NCOA1: variants seen among roughly 807,000 people sequenced by gnomAD.
NCOA1 encodes the protein nuclear receptor coactivator 1, also known as Hin-2 protein.
Under a neutral mutation model 150.9 loss-of-function variants are expected in NCOA1, and 35 were observed. The observed-to-expected ratio is 0.23, with a 90% CI of 0.18 to 0.31. NCOA1 has a LOEUF of 0.31. Among genes scored for constraint, NCOA1 ranks in the 10% least tolerant of loss-of-function variants. The pLI is 1.00. For missense variants in NCOA1, 1,491 were observed against 1,749.3 expected (o/e 0.85, Z 2.63); for synonymous variants, 590 against 630.0 (o/e 0.94, Z 0.95).
chr2:24,534,674 A>C (rs1665049472), intron 1 of NCOA1, among the ~76,000 whole-genome samples: 2 of 152,158 alleles, frequency 1.3e-5, no homozygotes, highest in African/African-American at 4.8e-5. Flanking sequence ...GTTTTGAAGA[A>C]CATCTTTATT....
intron 3 of NCOA1, among the ~76,000 whole-genome samples, chr2:24,610,482 A>G (rs1357202795): frequency 6.6e-6 from 1 of 151,914 alleles, no homozygotes; most frequent in Non-Finnish European, 1.5e-5. Flanking sequence ...TCTGTGTAAC[A>G]GTTCACTGAC....
intron 3 of NCOA1, among the ~76,000 whole-genome samples, chr2:24,642,337 T>TA (rs1670272163): frequency 6.7e-6 from 1 of 148,232 alleles, no homozygotes; most frequent in African/African-American, 2.5e-5. Flanking sequence ...ATATATATAT[T>TA]TTTTAAAATC....
chr2:24,536,610 G>T (rs1293882739), intron 1 of NCOA1, among the ~76,000 whole-genome samples: 1 of 151,962 alleles, frequency 6.6e-6, no homozygotes, highest in Non-Finnish European at 1.5e-5. Flanking sequence ...GGTCTTTAAT[G>T]TTGATGACTT....
chr2:24,538,470 T>C (rs1665257909), intron 1 of NCOA1, among the ~76,000 whole-genome samples: 1 of 152,204 alleles, frequency 6.6e-6, no homozygotes, highest in Admixed American at 6.5e-5. Context: ...TGCAAATCCA[T>C]ATTCTGCCAG....
At chr2:24,759,973 ATTAAT>A (rs1664700202) in intron 21 of NCOA1, among the ~76,000 whole-genome samples, 1 of 151,752 alleles carries the variant, frequency 6.6e-6, no homozygotes, top group African/African-American at 2.4e-5. Context: ...AAATTTATAA[ATTAAT>A]TATAAACTAT....
intron 14 of NCOA1, among the ~76,000 whole-genome samples, chr2:24,724,491 A>G (rs1490382967): frequency 6.6e-6 from 1 of 152,192 alleles, no homozygotes; most frequent in East Asian, 1.9e-4. Flanking sequence ...TTAAGCATGC[A>G]GTCTATCCAA....
At chr2:24,691,446 T>C (rs1206045556) in intron 8 of NCOA1, 35 bp from the exon 9 acceptor site, 2 of 1,597,142 alleles carry the variant, frequency 1.3e-6, no homozygotes, top group Non-Finnish European at 1.7e-6. Context: ...TTTTTCACCA[T>C]ATTCGCAAGC....
intron 13 of NCOA1, among the ~76,000 whole-genome samples, chr2:24,709,566 A>G (rs1247279624): frequency 6.6e-6 from 1 of 152,116 alleles, no homozygotes; most frequent in Non-Finnish European, 1.5e-5. Flanking sequence ...TTTATTGGAC[A>G]TATATTTGCA....
At chr2:24,544,105 G>A (rs1292173337) in intron 1 of NCOA1, among the ~76,000 whole-genome samples, 3 of 152,076 alleles carry the variant, frequency 2.0e-5, no homozygotes, top group African/African-American at 4.8e-5. Context: ...TAGTTACTAG[G>A]GAGAGTAGAG....
At chr2:24,668,049 A>G (rs975289914) in intron 6 of NCOA1, among the ~76,000 whole-genome samples, 1 of 152,204 alleles carries the variant, frequency 6.6e-6, no homozygotes, top group African/African-American at 2.4e-5. Context: ...CTCAGTACCT[A>G]AAACAGCACT....
chr2:24,492,464 G>C (rs1278988212), intron 1 of NCOA1, among the ~76,000 whole-genome samples: 5 of 152,178 alleles, frequency 3.3e-5, no homozygotes, highest in Non-Finnish European at 5.9e-5. Flanking sequence ...CCCATGGGTA[G>C]ACACTGCCCA....
intron 1 of NCOA1, among the ~76,000 whole-genome samples, chr2:24,502,199 C>T (rs1387338648): frequency 6.6e-6 from 1 of 152,172 alleles, no homozygotes; most frequent in Non-Finnish European, 1.5e-5. Flanking sequence ...ATTCACTTCG[C>T]TTCAAGTATC....
rs1670314556 is a variant in NCOA1, at chr2:24,643,302, TC to T, written c.-174-663del. On this transcript the variant is annotated intron_variant, in intron 3 of 22. Transcript: ENST00000348332. ...AGTTCCGAGTTCCCTTCCAGGAGAGTCTCATAAGTGTGTATCTCACCCAGTG... is the reference window on the plus strand; with the variant it reads ...AGTTCCGAGTTCCCTTCCAGGAGAGTTCATAAGTGTGTATCTCACCCAGTG... Among the ~76,000 whole-genome samples the T allele has an allele frequency of 2.0e-5, 3 of 152,128 alleles. No individual in the cohort carries two copies. The South Asian group carries it at 6.2e-4, about 32-fold the overall frequency.
chr2:24,521,160 A>G (rs1432921179), intron 1 of NCOA1, among the ~76,000 whole-genome samples: 2 of 152,134 alleles, frequency 1.3e-5, no homozygotes, highest in African/African-American at 4.8e-5. Flanking sequence ...TTACATGCTT[A>G]TGGTATACAA....
intron 20 of NCOA1, among the ~76,000 whole-genome samples, chr2:24,757,485 C>T (rs55917080): frequency 0.043 from 6,495 of 152,208 alleles, 222 homozygotes; most frequent in African/African-American, 0.094. Flanking sequence ...GATACCATCA[C>T]TCCCCTGAAG....
intron 3 of NCOA1, among the ~76,000 whole-genome samples, chr2:24,606,849 C>A (rs897122722): frequency 6.6e-6 from 1 of 152,012 alleles, no homozygotes; most frequent in Middle Eastern, 3.2e-3. Context: ...TGCATAAATT[C>A]GATATATTTT....
intron 19 of NCOA1, among the ~76,000 whole-genome samples, chr2:24,744,384 T>A (rs1663780508): frequency 6.6e-6 from 1 of 152,262 alleles, no homozygotes; most frequent in Non-Finnish European, 1.5e-5. Flanking sequence ...CTGTCAGTTC[T>A]TCCATGGACT....
At chr2:24,741,498 G>A (rs573305871) in intron 18 of NCOA1, among the ~76,000 whole-genome samples, 1 of 152,200 alleles carries the variant, frequency 6.6e-6, no homozygotes, top group South Asian at 2.1e-4. Context: ...GAATTTTTCA[G>A]TTCTGTGTGA....
chr2:24,719,657 C>T lies in NCOA1; in HGVS notation c.2600-6932C>T, dbSNP rs191917273. On this transcript the variant is annotated intron_variant, in intron 14 of 22. Coordinates refer to ENST00000348332, the MANE Select transcript of NCOA1 (RefSeq NM_003743.5). The stretch of plus-strand genomic sequence containing the variant: ...CAGGGGAAAACCAAAAGAGACAAAA[C>T]CAAAAGAGACGGAGGAAGCAAAGGA... Among the ~76,000 whole-genome samples the T allele has an allele frequency of 2.6e-4, 40 of 152,136 alleles. No individual in the cohort carries two copies. In the East Asian group the frequency reaches 7.1e-3, roughly 27 times the overall value.
Sources: allele counts gnomAD v4.1 joint callset (sites outside exome capture counted in the v4.1 genomes callset), GRCh38; gene constraint gnomAD v4.1.1; transcripts MANE v1.5; gene names NCBI Gene and HGNC (gene_info 2026-07-23, HGNC 2026-07-21).